The following MFN1 variants were observed in gnomAD, a reference collection of about 807,000 sequenced individuals.
The protein encoded by MFN1 is mitofusin 1.
MFN1 carries 65 observed loss-of-function variants against 92.4 expected under a neutral mutation model. The ratio of observed to expected loss-of-function variants is 0.70; its 90% CI spans 0.58 to 0.86. MFN1 has a LOEUF of 0.86. Ranked by LOEUF, MFN1 falls within the 40% of genes least tolerant of loss-of-function variation. The pLI is 0.00. For missense variants in MFN1, 781 were observed against 868.0 expected (o/e 0.90, Z 1.26); for synonymous variants, 297 against 300.9 (o/e 0.99, Z 0.13).
intron 9 of MFN1, among the ~76,000 whole-genome samples, chr3:179,371,178 G>C (rs1311621305): frequency 6.6e-6 from 1 of 152,080 alleles, no homozygotes; most frequent in Admixed American, 6.6e-5. Context: ...TTTAAGCAAG[G>C]CTTGAAAATT....
At chr3:179,390,847 A>G (rs1391071055) in intron 17 of MFN1, among the ~76,000 whole-genome samples, 1 of 152,188 alleles carries the variant, frequency 6.6e-6, no homozygotes, top group Non-Finnish European at 1.5e-5. Context: ...TTAGTAGTCA[A>G]TGTTTACAAA....
At chr3:179,372,302 G>T (rs1713055709) in intron 9 of MFN1, among the ~76,000 whole-genome samples, 1 of 151,158 alleles carries the variant, frequency 6.6e-6, no homozygotes, top group Non-Finnish European at 1.5e-5. Flanking sequence ...TTAGGTGTTT[G>T]TAGGGTCTGT....
chr3:179,348,500 G>T (rs1576998485), intron 1 of MFN1, among the ~76,000 whole-genome samples: 1 of 152,190 alleles, frequency 6.6e-6, no homozygotes, highest in East Asian at 1.9e-4. Flanking sequence ...CTTCCTTATT[G>T]TGTGTGAATT....
chr3:179,353,160 TCTC>T (rs1367102432), intron 3 of MFN1, among the ~76,000 whole-genome samples: 1 of 151,142 alleles, frequency 6.6e-6, no homozygotes. Flanking sequence ...TTCAAGCAAT[TCTC>T]CTGCCTCAGC....
intron 4 of MFN1, among the ~76,000 whole-genome samples, chr3:179,360,942 A>G (rs1245442032): frequency 2.0e-5 from 3 of 152,072 alleles, no homozygotes; most frequent in Non-Finnish European, 2.9e-5. Context: ...TGAGCAATAT[A>G]GTGAGACCCC....
chr3:179,351,531 G>A (rs1259237084), intron 2 of MFN1, among the ~76,000 whole-genome samples: 1 of 152,140 alleles, frequency 6.6e-6, no homozygotes, highest in Non-Finnish European at 1.5e-5. Context: ...TTTTCTCTCA[G>A]TATGTGGCTC....
intron 7 of MFN1, 77 bp from the exon 8 acceptor site, chr3:179,367,358 AAAGT>A (rs1397361279): frequency 3.3e-5 from 39 of 1,173,262 alleles, no homozygotes; most frequent in African/African-American, 8.0e-5. Context: ...CACTGTGAAT[AAAGT>A]AAGTATTGGT....
At chr3:179,388,669 T>C (rs1347046236) in intron 16 of MFN1, among the ~76,000 whole-genome samples, 1 of 152,248 alleles carries the variant, frequency 6.6e-6, no homozygotes, top group Non-Finnish European at 1.5e-5. Context: ...AAGGCAAGGC[T>C]GTACAAGTTA....
intron 5 of MFN1, among the ~76,000 whole-genome samples, chr3:179,363,964 A>T (rs186462737): frequency 1.3e-4 from 20 of 152,266 alleles, no homozygotes; most frequent in African/African-American, 4.6e-4. Context: ...CAGTTGGTAT[A>T]TTAAATTTAT....
intron 3 of MFN1, among the ~76,000 whole-genome samples, chr3:179,358,156 T>TG (rs1553845775): frequency 4.1e-5 from 6 of 147,886 alleles, no homozygotes; most frequent in Non-Finnish European, 7.4e-5. Context: ...TTTTGTTTTT[T>TG]TTTTTTTTTT....
intron 9 of MFN1, among the ~76,000 whole-genome samples, chr3:179,371,361 A>AC (rs1713016313): frequency 6.6e-6 from 1 of 151,548 alleles, no homozygotes; most frequent in Non-Finnish European, 1.5e-5. Flanking sequence ...GCAGGAAAAA[A>AC]AAAAATCCAG....
At chr3:179,351,539 C>G (rs1712147780) in intron 2 of MFN1, among the ~76,000 whole-genome samples, 2 of 152,154 alleles carry the variant, frequency 1.3e-5, no homozygotes, top group East Asian at 3.8e-4. Context: ...CAGTATGTGG[C>G]TCCCCCTTCT....
chr3:179,382,867 C>T (rs1180822336), intron 14 of MFN1, among the ~76,000 whole-genome samples: 4 of 152,142 alleles, frequency 2.6e-5, no homozygotes, highest in African/African-American at 9.7e-5. Context: ...GCATAAATGT[C>T]TTCTTTTGAG....
chr3:179,371,943 G>C (rs954426486), intron 9 of MFN1, among the ~76,000 whole-genome samples: 1 of 151,046 alleles, frequency 6.6e-6, no homozygotes, highest in African/African-American at 2.4e-5. Context: ...TGTTCAGGAA[G>C]GAAAATAATA....
Position 179,386,535 on chromosome 3 carries a change from C to T in MFN1, c.1918C>T (p.Arg640Ter). 4 of 1,614,020 alleles carry T rather than the reference C, an allele frequency of 2.5e-6. No homozygotes were observed. Among genetic ancestry groups the T allele is most frequent in the South Asian group, 2.2e-5 (2 of 91,080 alleles). Residue 640 changes from arginine to a stop codon, truncating the protein, a stop_gained, in exon 16 of 18, where the codon CGA becomes TGA. Transcript: ENST00000471841. LOFTEE classifies it high-confidence loss of function. ...RLSWTTHAKE[R>*]AFKQQFVNYA... Reference sequence around the variant, plus strand: ...GAGCTGGACCACCCATGCCAAGGAGCGAGCCTTTAAACAGCAGTTTGTAAA... The same window carrying T: ...GAGCTGGACCACCCATGCCAAGGAGTGAGCCTTTAAACAGCAGTTTGTAAA...
intron 14 of MFN1, among the ~76,000 whole-genome samples, chr3:179,383,888 ATT>A (rs1016767583): frequency 6.6e-6 from 1 of 152,144 alleles, no homozygotes; most frequent in Non-Finnish European, 1.5e-5. Context: ...CAATTCAGTA[ATT>A]TTTTAGGAAA....
rs370673180 is a variant in MFN1, at chr3:179,385,571, C to G, written c.1665C>G (p.Leu555=). The G allele has an allele frequency of 5.0e-6, 8 of 1,585,594 alleles. No homozygotes were observed. Among genetic ancestry groups the G allele is most frequent in the Non-Finnish European group, 6.8e-6 (8 of 1,172,048 alleles). Residue 555 remains leucine, a splice_region_variant and synonymous_variant, in exon 15 of 18, where the codon CTC becomes CTG. Transcript: ENST00000471841. ...TCCTTTCTCTTTTTTTTTGGCAGCT[C>G]CCTAGATCTTTAGCTTCTACTCCCA... ...LLGLSEPIFQ[L]PRSLASTPTA...
At position 179,393,175 on chromosome 3, in the gene MFN1, C is replaced by G. The variant is rs1228892741; in HGVS notation, c.*1116C>G. Reference sequence around the variant, plus strand: ...CCTTGAGCTGGTGGAAATGCCTCACCAGTTTCCTCTTTAATGAATCAAATA... The same window carrying G: ...CCTTGAGCTGGTGGAAATGCCTCACGAGTTTCCTCTTTAATGAATCAAATA... On this transcript the variant is annotated 3_prime_UTR_variant, in exon 18 of 18. Coordinates refer to ENST00000471841, the MANE Select transcript of MFN1 (RefSeq NM_033540.3). The G allele has an allele frequency of 1.3e-5, 2 of 152,060 alleles. No homozygotes were observed. The highest frequency in any genetic ancestry group is 4.8e-5 in the African/African-American group (2 of 41,396). 9.4% of individuals were successfully genotyped at this position (152,060 alleles called of 1,614,324 possible).
chr3:179,353,220 ATTT>A (rs34658521), intron 3 of MFN1, among the ~76,000 whole-genome samples: 4 of 130,886 alleles, frequency 3.1e-5, no homozygotes, highest in Admixed American at 7.8e-5. Flanking sequence ...CACCTGGCTA[ATTT>A]TTTTTTTTTT....
Sources: allele counts gnomAD v4.1 joint callset (sites outside exome capture counted in the v4.1 genomes callset), GRCh38; gene constraint gnomAD v4.1.1; transcripts MANE v1.5; gene names NCBI Gene and HGNC (gene_info 2026-07-23, HGNC 2026-07-21).